AUTS2: variants seen among roughly 807,000 people sequenced by gnomAD.
AUTS2 encodes activator of transcription and developmental regulator AUTS2.
AUTS2 carries 17 observed loss-of-function variants against 112.4 expected under a neutral mutation model. The observed-to-expected ratio is 0.15, with a 90% CI of 0.10 to 0.23. The LOEUF is 0.23. AUTS2 is among the 10% of genes least tolerant of loss of function. AUTS2 has a pLI of 1.00. For synonymous variants in AUTS2, 751 were observed against 702.7 expected, an observed-to-expected ratio of 1.07 and a Z score of -1.09; for missense variants, 1,510 against 1,701.6, an observed-to-expected ratio of 0.89 and a Z score of 1.98.
intron 17 of AUTS2, among the ~76,000 whole-genome samples, chr7:70,786,414 C>T (rs1329799737): frequency 2.0e-5 from 3 of 152,114 alleles, no homozygotes; most frequent in East Asian, 1.9e-4. Context: ...CCGTGGCATT[C>T]GTGGAATTGA....
chr7:70,160,515 G>C (rs1343982635), intron 4 of AUTS2, among the ~76,000 whole-genome samples: 1 of 152,182 alleles, frequency 6.6e-6, no homozygotes. Context: ...AGATGTCTGT[G>C]ATGGCTTGTT....
intron 4 of AUTS2, among the ~76,000 whole-genome samples, chr7:70,357,593 T>G (rs1289730861): frequency 6.6e-6 from 1 of 152,130 alleles, no homozygotes; most frequent in East Asian, 1.9e-4. Flanking sequence ...TCTTGACCCC[T>G]CCCTTCCAAA....
At chr7:69,688,360 G>A (rs1206658137) in intron 1 of AUTS2, among the ~76,000 whole-genome samples, 1 of 152,216 alleles carries the variant, frequency 6.6e-6, no homozygotes, top group South Asian at 2.1e-4. Context: ...CAGTGAAGTT[G>A]CACCTTAGAT....
intron 5 of AUTS2, among the ~76,000 whole-genome samples, chr7:70,440,725 C>T (rs1032464919): frequency 4.6e-5 from 7 of 152,164 alleles, no homozygotes; most frequent in African/African-American, 1.2e-4. Flanking sequence ...ATCAGGCCTT[C>T]CTCTGAGCAG....
chr7:70,714,496 A>G (rs779876302), intron 6 of AUTS2, among the ~76,000 whole-genome samples: 31 of 152,220 alleles, frequency 2.0e-4, no homozygotes, highest in Non-Finnish European at 3.7e-4. Context: ...TCTGAGGAAT[A>G]TACCCATCCA....
At position 70,766,601 on chromosome 7, in the gene AUTS2, G is replaced by A. The variant is rs969953391; in HGVS notation, c.1689+267G>A. On this transcript the variant is annotated intron_variant, in intron 9 of 18. Transcript: ENST00000342771. This position sits in a 1 kb window ranked among gnomAD's most constrained non-coding sequence, Gnocchi z 4.8. ...TGCCCTCAAAACAGTCATGTCCAGT[G>A]TTGATGGCTAACTTCTTAAAGGGTT... Among the ~76,000 whole-genome samples the A allele has an allele frequency of 1.3e-4, 20 of 152,332 alleles. No individual in the cohort carries two copies. Among genetic ancestry groups the A allele is most frequent in the Non-Finnish European group, 2.8e-4 (19 of 68,028 alleles).
chr7:70,502,253 C>G (rs1396087791), intron 5 of AUTS2, among the ~76,000 whole-genome samples: 1 of 152,194 alleles, frequency 6.6e-6, no homozygotes, highest in Non-Finnish European at 1.5e-5. Context: ...CGTACCCTTT[C>G]CCTCTCCAGC....
chr7:69,947,383 G>A (rs1041490783), intron 2 of AUTS2, among the ~76,000 whole-genome samples: 4 of 152,168 alleles, frequency 2.6e-5, no homozygotes, highest in Admixed American at 1.3e-4. Flanking sequence ...TCAGTGTAAG[G>A]ATTTGGAATT....
chr7:70,588,204 C>T (rs1222077785), intron 5 of AUTS2, among the ~76,000 whole-genome samples: 1 of 152,178 alleles, frequency 6.6e-6, no homozygotes, highest in Non-Finnish European at 1.5e-5. Context: ...GATCTCTGCT[C>T]CTCTCTCGAG....
intron 1 of AUTS2, among the ~76,000 whole-genome samples, chr7:69,894,587 T>A (rs1211168854): frequency 1.3e-5 from 2 of 152,232 alleles, no homozygotes; most frequent in African/African-American, 4.8e-5. Context: ...GTTAGTAAGA[T>A]CTGTTGGTAC....
chr7:70,130,111 A>G (rs566704481), intron 3 of AUTS2, among the ~76,000 whole-genome samples: 1 of 152,298 alleles, frequency 6.6e-6, no homozygotes, highest in Admixed American at 6.5e-5. Context: ...AGAGAAAAGC[A>G]TAACATGAAG....
chr7:70,444,343 CGTGTGTGTGTGTGT>C (rs370735846), intron 5 of AUTS2, among the ~76,000 whole-genome samples: 12 of 138,764 alleles, frequency 8.6e-5, no homozygotes, highest in African/African-American at 2.2e-4. Context: ...TGGTCATGTA[CGTGTGTGTGTGTGT>C]GTGTGTGTGT....
intron 2 of AUTS2, among the ~76,000 whole-genome samples, chr7:70,051,060 G>C (rs904473596): frequency 3.3e-5 from 5 of 152,196 alleles, no homozygotes; most frequent in Non-Finnish European, 7.3e-5. Context: ...CCCCTGCCAA[G>C]GGGATGAGCA....
intron 2 of AUTS2, among the ~76,000 whole-genome samples, chr7:69,981,284 A>G (rs1798285004): frequency 6.6e-6 from 1 of 152,202 alleles, no homozygotes; most frequent in South Asian, 2.1e-4. Context: ...GAAGATCATC[A>G]GTTGATCTAG....
At chr7:70,532,179 T>C (rs1215446879) in intron 5 of AUTS2, among the ~76,000 whole-genome samples, 2 of 152,182 alleles carry the variant, frequency 1.3e-5, no homozygotes, top group African/African-American at 2.4e-5. Flanking sequence ...ATATGCACTT[T>C]GCAAGCTTCA....
intron 1 of AUTS2, among the ~76,000 whole-genome samples, chr7:69,734,943 T>A (rs1198735241): frequency 6.6e-6 from 1 of 152,190 alleles, no homozygotes; most frequent in Non-Finnish European, 1.5e-5. Context: ...AAAACAAATT[T>A]CAGACATTTT....
intron 4 of AUTS2, among the ~76,000 whole-genome samples, chr7:70,273,450 G>A (rs997095261): frequency 6.7e-6 from 1 of 150,346 alleles, no homozygotes; most frequent in Non-Finnish European, 1.5e-5. Flanking sequence ...AAGTAGTATT[G>A]GTATTATACT....
In AUTS2 at chr7:70,519,938, T is replaced by C. The variant is rs140041043; in HGVS notation, c.690+84157T>C. ...GAAATAACTTCATCATGATATAATT[T>C]ATGTATCATAAAGTTGACCCATTTT... On this transcript the variant is annotated intron_variant, in intron 5 of 18. Coordinates refer to ENST00000342771, the MANE Select transcript of AUTS2 (RefSeq NM_015570.4). Among the ~76,000 whole-genome samples, 649 of 152,334 alleles carry C rather than the reference T, an allele frequency of 4.3e-3. 5 individuals carry two copies. The highest frequency in any genetic ancestry group is 0.014 in the Middle Eastern group (4 of 294).
At position 70,368,548 on chromosome 7, in the gene AUTS2, G is replaced by A. The variant is rs182143981; in HGVS notation, c.661-67204G>A. Among the ~76,000 whole-genome samples the A allele has an allele frequency of 2.0e-5, 3 of 152,322 alleles. No individual in the cohort carries two copies. The East Asian group carries it at 5.8e-4, about 29-fold the overall frequency. ...ACTCTAAGTCTGTTAATGCAACAGA[G>A]GTTCTCTATTCATACTGTATGGCCA... On this transcript the variant is annotated intron_variant, in intron 4 of 18. Transcript: ENST00000342771.
Sources: gnomAD v4.1 joint callset for allele counts (sites outside exome capture counted in the v4.1 genomes callset) on GRCh38, gnomAD v4.1.1 for gene constraint, Gnocchi (gnomAD v3.1) non-coding constraint, MANE v1.5 for transcripts, NCBI Gene and HGNC (gene_info 2026-07-23, HGNC 2026-07-21) for gene names.